The following CD1C variants were observed in gnomAD, a reference collection of about 807,000 sequenced individuals.
CD1C encodes the protein CD1c molecule.
In CD1C, 47 loss-of-function variants were observed where a neutral mutation model predicts 39.4. The observed-to-expected ratio is 1.19, with a 90% CI of 0.94 to 1.52. The LOEUF (loss-of-function observed/expected upper bound fraction) is 1.52, where lower values mean the gene tolerates loss of function less well. Ranked by LOEUF, CD1C falls within the 40% of genes most tolerant of loss-of-function variation. The pLI is 0.00. For synonymous variants in CD1C, 165 were observed against 150.8 expected (o/e 1.09, Z -0.69); for missense variants, 417 against 395.2 (o/e 1.06, Z -0.47).
rs768523369 is a variant in CD1C at position 158,293,812 on chromosome 1, T to A, written c.*336T>A. ...ACTTGAGTCTTTCATTTCACATTTT[T>A]AAGCTTTTAGGAGGCAAGGATCATG... On this transcript the variant is annotated 3_prime_UTR_variant, in exon 6 of 6. Transcript: ENST00000368170. 2.0e-5 allele frequency among the ~76,000 whole-genome samples: 3 copies of A among 152,152 alleles called. No individual in the cohort carries two copies. The highest frequency in any genetic ancestry group is 4.4e-5 in the Non-Finnish European group (3 of 68,022).
At position 158,292,718 on chromosome 1, in the gene CD1C, G is replaced by A. The variant is rs762791288; in HGVS notation, c.733G>A (p.Glu245Lys). The change falls in exon 4 of 6, where the codon GAG becomes AAG. Residue 245 changes from glutamate to lysine, a missense_variant. Glu to Lys is a moderately conservative substitution (Grantham distance 56). Coordinates refer to ENST00000368170, the MANE Select transcript of CD1C (RefSeq NM_001765.3). The part of the protein sequence containing the change: ...VWVTWMRNEQ[E>K]QLGTKHGDIL... ...GGTGACATGGATGCGGAATGAACAG[G>A]AGCAACTGGGCACTAAACATGGTGA... 5.6e-6 allele frequency: 9 copies of A among 1,614,092 alleles called. No individual in the cohort carries two copies. The highest frequency in any genetic ancestry group is 1.7e-5 in the Admixed American group (1 of 60,012).
chr1:158,291,398 A>T lies in CD1C; in HGVS notation c.326A>T (p.Lys109Ile). 6.2e-7 allele frequency: 1 copy of T among 1,613,160 alleles called. No homozygotes were observed. The highest frequency in any genetic ancestry group is 8.5e-7 in the Non-Finnish European group (1 of 1,179,118). The change falls in exon 2 of 6, where the codon AAA becomes ATA. Residue 109 changes from lysine to isoleucine, a missense_variant and splice_region_variant. Lys to Ile is a moderately radical substitution (Grantham distance 102). Coordinates refer to ENST00000368170, the MANE Select transcript of CD1C (RefSeq NM_001765.3). The stretch of plus-strand genomic sequence containing the variant: ...GACCATGCAAGTCAAGATTACTCGA[A>T]ATGTAAGTTCAATCATCTAAATTAT... Reference protein sequence around the residue: ...IQDHASQDYSKYPFEVQVKAG... With the variant: ...IQDHASQDYSIYPFEVQVKAG...
In CD1C at chr1:158,293,795, C is replaced by T. The variant is rs1651140996; in HGVS notation, c.*319C>T. 6.6e-6 allele frequency among the ~76,000 whole-genome samples: 1 copy of T among 151,984 alleles called. No homozygotes were observed. On this transcript the variant is annotated 3_prime_UTR_variant, in exon 6 of 6. Coordinates refer to ENST00000368170, the MANE Select transcript of CD1C (RefSeq NM_001765.3). ...TACCCTGTGTTGCAGCTACTTGAGT[C>T]TTTCATTTCACATTTTTAAGCTTTT...
chr1:158,293,582 T>C lies in CD1C; in HGVS notation c.*106T>C. The stretch of plus-strand genomic sequence containing the variant: ...CGACTCTCCATTTAAATTGTTTCTC[T>C]TTCTGCATAATAAACATTTGTTAAT... On this transcript the variant is annotated 3_prime_UTR_variant, in exon 6 of 6. Coordinates refer to ENST00000368170, the MANE Select transcript of CD1C (RefSeq NM_001765.3). The C allele has an allele frequency of 6.2e-7, 1 of 1,613,282 alleles. No individual in the cohort carries two copies. Among genetic ancestry groups the C allele is most frequent in the East Asian group, 2.2e-5 (1 of 44,848 alleles).
intron 3 of CD1C, 58 bp downstream of exon 3, chr1:158,292,423 T>C (rs190527496): frequency 2.2e-5 from 34 of 1,546,942 alleles, no homozygotes; most frequent in Admixed American, 2.0e-4. Flanking sequence ...GCCCCTTCTG[T>C]TCCCACCCTT....
rs35739627 is a variant in CD1C at position 158,293,125 on chromosome 1, G to A, written c.890-87G>A. 2,541 of 1,076,722 alleles carry A rather than the reference G, an allele frequency of 2.4e-3. 41 individuals are homozygous for A. The African/African-American group carries it at 0.034, about 14-fold the overall frequency. The allele number at this position is 1,076,722 out of a possible 1,614,324, so 66.7% of individuals were successfully genotyped here. On this transcript the variant is annotated intron_variant, in intron 4 of 5. Coordinates refer to ENST00000368170, the MANE Select transcript of CD1C (RefSeq NM_001765.3). ...GGATAACTGATGCAACTCATCCAATGCATATGTTAAGTAAGGAAATCAATA... is the reference window on the plus strand; with the variant it reads ...GGATAACTGATGCAACTCATCCAATACATATGTTAAGTAAGGAAATCAATA...
At position 158,292,827 on chromosome 1, in the gene CD1C, G is replaced by A. The variant is rs776891906; in HGVS notation, c.842G>A (p.Arg281Gln). The A allele has an allele frequency of 1.3e-5, 21 of 1,614,152 alleles. No individual in the cohort carries two copies. The highest frequency in any genetic ancestry group is 3.3e-5 in the Admixed American group (2 of 60,012). The change falls in exon 4 of 6, where the codon CGA (arginine) becomes CAA (glutamine). Residue 281 changes from arginine to glutamine, a missense_variant. Arg to Gln is a conservative substitution (Grantham distance 43). Transcript: ENST00000368170. ...GAGGAGCCTGCTGGCCTGTCTTGTC[G>A]AGTGAGACACAGCAGTCTAGGAGGC... Reference protein sequence around the residue: ...ASEEPAGLSCRVRHSSLGGQD... With the variant: ...ASEEPAGLSCQVRHSSLGGQD...
chr1:158,293,492 C>G lies in CD1C; in HGVS notation c.*16C>G. ...CATCCTGTGAGACTCTTCCCCCTGA[C>G]TCCCCCATTGTGTTAAGAACCCAGC... On this transcript the variant is annotated 3_prime_UTR_variant, in exon 6 of 6. Transcript: ENST00000368170. The G allele has an allele frequency of 1.2e-6, 2 of 1,614,106 alleles. No individual in the cohort carries two copies. Among genetic ancestry groups the G allele is most frequent in the South Asian group, 2.2e-5 (2 of 91,080 alleles).
chr1:158,292,311 C>T lies in CD1C; in HGVS notation c.556C>T (p.Pro186Ser). The change falls in exon 3 of 6, where the codon CCC becomes TCC. Residue 186 changes from proline to serine, a missense_variant. Pro to Ser is a moderately conservative substitution (Grantham distance 74). Transcript: ENST00000368170. ...GTATAATCTCATAAGAAGCACTTGC[C>T]CCCGATTTCTCTTGGGTCTCCTGGA... The part of the protein sequence containing the change: ...TVYNLIRSTC[P>S]RFLLGLLDAG... 1.2e-6 allele frequency: 2 copies of T among 1,614,164 alleles called. No individual in the cohort carries two copies. Among genetic ancestry groups the T allele is most frequent in the South Asian group, 1.1e-5 (1 of 91,074 alleles).
In CD1C at chr1:158,292,536, T is replaced by C. The variant is rs180809448; in HGVS notation, c.611-60T>C. The C allele has an allele frequency of 1.1e-4, 173 of 1,560,114 alleles. No homozygotes were observed. The Middle Eastern group carries it at 1.5e-3, about 14-fold the overall frequency. ...CTGTGCATATTCATGTGGATGTGTG[T>C]ATGTGGATGTAAGTTGTGTGTAAGT... On this transcript the variant is annotated intron_variant, in intron 3 of 5. Coordinates refer to ENST00000368170, the MANE Select transcript of CD1C (RefSeq NM_001765.3).
chr1:158,291,247 G>A lies in CD1C; in HGVS notation c.175G>A (p.Asp59Asn). The A allele has an allele frequency of 6.2e-7, 1 of 1,614,132 alleles. No homozygotes were observed. Among genetic ancestry groups the A allele is most frequent in the Admixed American group, 1.7e-5 (1 of 60,014 alleles). ...GGACGAGTTGCAGACTCATGGCTGG[G>A]ACAGTGAATCAGGCACAATAATTTT... ...WLDELQTHGW[D>N]SESGTIIFLH... The change falls in exon 2 of 6, where the codon GAC becomes AAC. Residue 59 changes from aspartate (D) to asparagine (N), a missense_variant. By Grantham distance (23) the Asp-to-Asn change is conservative. Transcript: ENST00000368170.
chr1:158,293,726 G>T lies in CD1C; in HGVS notation c.*250G>T, dbSNP rs1480042093. 3.8e-6 allele frequency: 3 copies of T among 792,306 alleles called. No individual in the cohort carries two copies. The highest frequency in any genetic ancestry group is 6.0e-6 in the Non-Finnish European group (3 of 498,088). 49.1% of individuals were successfully genotyped at this position (792,306 alleles called of 1,614,324 possible). On this transcript the variant is annotated 3_prime_UTR_variant, in exon 6 of 6. Transcript: ENST00000368170. The stretch of plus-strand genomic sequence containing the variant: ...CCAACGATCTTCCTTGACCCATACT[G>T]AACCCAGAGAGCCCCTCAACTGTTA...
At chr1:158,291,496 TC>T in intron 2 of CD1C, 96 bp downstream of exon 2, 1 of 1,252,922 alleles carries the variant, frequency 8.0e-7, no homozygotes, top group Non-Finnish European at 1.1e-6. Flanking sequence ...CATTATCCCA[TC>T]CCACCATAAA....
Position 158,292,628 on chromosome 1 carries a change from A to G in CD1C, c.643A>G (p.Ser215Gly), listed in dbSNP as rs1320912303. The G allele has an allele frequency of 1.2e-6, 2 of 1,613,040 alleles. No individual in the cohort carries two copies. The highest frequency in any genetic ancestry group is 1.7e-6 in the Non-Finnish European group (2 of 1,180,028). Residue 215 changes from serine to glycine, a missense_variant, in exon 4 of 6, where the codon AGC becomes GGC. Ser to Gly is a moderately conservative substitution (Grantham distance 56). Transcript: ENST00000368170. Reference protein sequence around the residue: ...RPEAWLSSRPSLGSGQLLLVC... With the variant: ...RPEAWLSSRPGLGSGQLLLVC... ...AGAAGCCTGGCTGTCCAGTCGCCCC[A>G]GCCTTGGGTCTGGCCAGCTGTTGCT...
At chr1:158,292,468 G>C in intron 3 of CD1C, 103 bp downstream of exon 3, 1 of 1,484,738 alleles carries the variant, frequency 6.7e-7, no homozygotes. Context: ...AAGAAGCAGG[G>C]GGGTTGCTGG....
chr1:158,290,168 T>C (rs1438929509), intron 1 of CD1C, 43 bp downstream of exon 1: 1 of 1,569,522 alleles, frequency 6.4e-7, no homozygotes, highest in Non-Finnish European at 8.8e-7. Flanking sequence ...TGTATCTGGG[T>C]AGAGTGTGCT....
chr1:158,292,703 A>G lies in CD1C; in HGVS notation c.718A>G (p.Met240Val). The change falls in exon 4 of 6, where the codon ATG becomes GTG. Residue 240 changes from methionine (M) to valine (V), a missense_variant. By Grantham distance (21) the Met-to-Val change is conservative (BLOSUM62 1). Coordinates refer to ENST00000368170, the MANE Select transcript of CD1C (RefSeq NM_001765.3). ...FYPKPVWVTW[M>V]RNEQEQLGTK... ...CCCAAAGCCTGTTTGGGTGACATGGATGCGGAATGAACAGGAGCAACTGGG... is the reference window on the plus strand; with the variant it reads ...CCCAAAGCCTGTTTGGGTGACATGGGTGCGGAATGAACAGGAGCAACTGGG... 6.2e-7 allele frequency: 1 copy of G among 1,614,150 alleles called. No homozygotes were observed. The highest frequency in any genetic ancestry group is 8.5e-7 in the Non-Finnish European group (1 of 1,180,036).
At chr1:158,290,187 C>G in intron 1 of CD1C, 62 bp downstream of exon 1, 2 of 1,438,876 alleles carry the variant, frequency 1.4e-6, no homozygotes, top group Non-Finnish European at 2.0e-6. Flanking sequence ...CTGGGCTTTC[C>G]CGAGATGGAT....
Position 158,291,205 on chromosome 1 carries a change from C to G in CD1C, c.133C>G (p.Gln45Glu). The change falls in exon 2 of 6, where the codon CAG (glutamine) becomes GAG (glutamate). Residue 45 changes from glutamine to glutamate, a missense_variant. Physicochemically the swap from Gln to Glu is conservative, Grantham distance 29. Transcript: ENST00000368170. ...SFVNQSWARG[Q>E]GSGWLDELQT... ...TGTCAACCAATCCTGGGCACGAGGT[C>G]AGGGCTCAGGATGGCTGGACGAGTT... 1 of 1,613,788 alleles carries G rather than the reference C, an allele frequency of 6.2e-7. No homozygotes were observed. The highest frequency in any genetic ancestry group is 8.5e-7 in the Non-Finnish European group (1 of 1,179,918).
Sources: gnomAD v4.1 joint callset for allele counts (sites outside exome capture counted in the v4.1 genomes callset) on GRCh38, gnomAD v4.1.1 for gene constraint, MANE v1.5 for transcripts, NCBI Gene and HGNC (gene_info 2026-07-23, HGNC 2026-07-21) for gene names.